CACNA1C: variants seen among roughly 807,000 people sequenced by gnomAD.
CACNA1C encodes calcium voltage-gated channel subunit alpha1 C, also known as voltage-dependent L-type calcium channel subunit alpha-1C.
In CACNA1C, 30 loss-of-function variants were observed where a neutral mutation model predicts 229.0. That is an observed-to-expected ratio of 0.13 (90% confidence interval 0.10 to 0.18). The LOEUF (loss-of-function observed/expected upper bound fraction) is 0.18. Among genes scored for constraint, CACNA1C ranks in the 10% least tolerant of loss-of-function variants. The pLI, the probability that CACNA1C is intolerant of heterozygous loss-of-function variation, is 1.00. For synonymous variants in CACNA1C, 1,114 were observed against 1,132.5 expected (o/e 0.98, Z 0.33); for missense variants, 1,658 against 2,845.0 (o/e 0.58, Z 9.49).
At chr12:2,491,821 G>A (rs761406241) in intron 6 of CACNA1C, among the ~76,000 whole-genome samples, 4 of 152,220 alleles carry the variant, frequency 2.6e-5, no homozygotes, top group Non-Finnish European at 5.9e-5. Context: ...CACCGACTGA[G>A]AATCAGCCCA....
chr12:2,656,805 A>G (rs1432273209), intron 34 of CACNA1C, among the ~76,000 whole-genome samples: 1 of 152,250 alleles, frequency 6.6e-6, no homozygotes. Context: ...ATTTTCGACA[A>G]AGGTGCCAAG....
At chr12:2,064,778 G>A (rs540475853) in intron 1 of CACNA1C, among the ~76,000 whole-genome samples, 2 of 152,226 alleles carry the variant, frequency 1.3e-5, no homozygotes, top group Non-Finnish European at 2.9e-5. Flanking sequence ...CTTGGGATAG[G>A]TATTTTCTTG....
rs2096017841 is a variant in CACNA1C, at chr12:2,665,271, A to G, written c.4398+281A>G. ...CATGTGGGGGCCTAGAAAGAACTGT[A>G]CTTTTTTGGCATCTTGCTGAGGAGT... On this transcript the variant is annotated intron_variant, in intron 35 of 46. Transcript: ENST00000399655. This position sits in a 1 kb window ranked among gnomAD's most constrained non-coding sequence, Gnocchi z 5.9. Among the ~76,000 whole-genome samples the G allele has an allele frequency of 6.6e-6, 1 of 152,122 alleles. No individual in the cohort carries two copies. The highest frequency in any genetic ancestry group is 1.5e-5 in the Non-Finnish European group (1 of 68,026).
intron 3 of CACNA1C, among the ~76,000 whole-genome samples, chr12:2,431,755 C>T (rs950895928): frequency 6.6e-6 from 1 of 152,132 alleles, no homozygotes; most frequent in African/African-American, 2.4e-5. Context: ...TACTTCATTC[C>T]CCTGATGTTA....
intron 1 of CACNA1C, among the ~76,000 whole-genome samples, chr12:2,099,232 C>T (rs1326345843): frequency 6.6e-6 from 1 of 152,206 alleles, no homozygotes; most frequent in East Asian, 1.9e-4. Context: ...GGATCTTGCC[C>T]ATGTTTCTCA....
intron 3 of CACNA1C, among the ~76,000 whole-genome samples, chr12:2,416,918 C>G (rs1441288453): frequency 1.3e-5 from 2 of 152,244 alleles, no homozygotes. Flanking sequence ...TCTTCTAGCT[C>G]CACATCCGGA....
At chr12:2,580,614 C>T (rs1174948847) in intron 13 of CACNA1C, among the ~76,000 whole-genome samples, 1 of 152,216 alleles carries the variant, frequency 6.6e-6, no homozygotes, top group African/African-American at 2.4e-5. Context: ...AGGTGCCCAC[C>T]CTGCATCCAG....
chr12:1,995,490 G>A (rs1012331684), intron 1 of CACNA1C, among the ~76,000 whole-genome samples: 3 of 152,358 alleles, frequency 2.0e-5, no homozygotes, highest in African/African-American at 4.8e-5. Flanking sequence ...ATATACCAAC[G>A]GTTCTTGGGT....
At chr12:2,628,636 G>A (rs189442803) in intron 29 of CACNA1C, among the ~76,000 whole-genome samples, 88 of 152,304 alleles carry the variant, frequency 5.8e-4, no homozygotes, top group Non-Finnish European at 1.1e-3. Context: ...ACCGGGCGCA[G>A]TGGCTCACAC....
chr12:2,577,674 T>C (rs887138355), intron 13 of CACNA1C, among the ~76,000 whole-genome samples: 2 of 152,206 alleles, frequency 1.3e-5, no homozygotes, highest in African/African-American at 4.8e-5. Flanking sequence ...CCCTTGCCTT[T>C]CCCTCCAGGA....
intron 9 of CACNA1C, among the ~76,000 whole-genome samples, chr12:2,521,517 C>G (rs995522251): frequency 1.3e-5 from 2 of 152,184 alleles, no homozygotes; most frequent in Admixed American, 6.5e-5. Flanking sequence ...GCCTGGAGGA[C>G]AGCATCCTCT....
In CACNA1C at chr12:1,990,540, A is replaced by AT. The variant is rs532736115; in HGVS notation, c.139+19349dup. Among the ~76,000 whole-genome samples the AT allele has an allele frequency of 2.2e-3, 338 of 150,310 alleles. 2 individuals are homozygous for AT. The highest frequency in any genetic ancestry group is 7.5e-3 in the African/African-American group (309 of 41,012). ...TACATTCATCCAATTCAAGAAAGGG[A>AT]TTTTTTTTTTCTCTCCTAATGAATC... is the stretch of plus-strand genomic sequence containing the variant. On this transcript the variant is annotated intron_variant, in intron 1 of 46. Transcript: ENST00000682462.
Position 2,139,864 on chromosome 12 carries a change from C to CA in CACNA1C, c.477+19435dup, listed in dbSNP as rs577645424. 6.3e-3 allele frequency among the ~76,000 whole-genome samples: 951 copies of CA among 151,386 alleles called. 13 individuals are homozygous for CA. Among genetic ancestry groups the CA allele is most frequent in the African/African-American group, 0.021 (878 of 41,492 alleles). ...GCCGCTCCCAGGACACAGCGGGCCT[C>CA]ATGCGACATGCCCTGGCTTCTGGAT... On this transcript the variant is annotated intron_variant, in intron 3 of 46. Coordinates refer to ENST00000399655, the MANE Select transcript of CACNA1C (RefSeq NM_000719.7).
chr12:1,980,121 C>G (rs552752422), intron 1 of CACNA1C, among the ~76,000 whole-genome samples: 4 of 152,152 alleles, frequency 2.6e-5, no homozygotes, highest in African/African-American at 9.6e-5. Context: ...AGGTATAAAC[C>G]CAAGATAGAT....
Position 2,679,843 on chromosome 12 carries a change from C to A in CACNA1C, c.5444+47C>A, listed in dbSNP as rs202196126. ...CCAGGCGGCACACAGGGCCCACGTG[C>A]TGCAACCCTCAGGAGACAGTGGAGG... On this transcript the variant is annotated intron_variant, in intron 42 of 46. Transcript: ENST00000399655. This position sits in a 1 kb window ranked among gnomAD's most constrained non-coding sequence, Gnocchi z 5.5. The A allele has an allele frequency of 5.1e-4, 688 of 1,339,908 alleles. 2 individuals carry two copies. In the African/African-American group the frequency reaches 7.7e-3, roughly 15 times the overall value. The allele number at this position is 1,339,908 out of a possible 1,614,324, so 83.0% of individuals were successfully genotyped here.
intron 9 of CACNA1C, among the ~76,000 whole-genome samples, chr12:2,521,052 G>C (rs2099808778): frequency 6.6e-6 from 1 of 152,252 alleles, no homozygotes; most frequent in Non-Finnish European, 1.5e-5. Context: ...GAGTGTCCAG[G>C]CCAAAACGAT....
In CACNA1C at chr12:2,653,685, C is replaced by T. The variant is rs967353302; in HGVS notation, c.4075-150C>T. 3.6e-5 allele frequency: 24 copies of T among 666,798 alleles called. No homozygotes were observed. Among genetic ancestry groups the T allele is most frequent in the Middle Eastern group, 3.7e-4 (1 of 2,696 alleles). 41.3% of individuals were successfully genotyped at this position (666,798 alleles called of 1,614,324 possible). A position where few individuals can be genotyped will look rare whatever the true frequency, so the allele number is the denominator to read the frequency against. On this transcript the variant is annotated intron_variant, in intron 32 of 46. Transcript: ENST00000399655. The surrounding 1 kb of genome is among the most constrained non-coding windows in gnomAD (Gnocchi z 4.7). ...TTCTCAGACCTTCTCGCAGGTTCCC[C>T]GTAGTCCTGTGGGACTCTTGGAAGT...
chr12:2,225,081 T>C (rs1006014036), intron 3 of CACNA1C, among the ~76,000 whole-genome samples: 1 of 152,236 alleles, frequency 6.6e-6, no homozygotes, highest in African/African-American at 2.4e-5. Flanking sequence ...GTTTGCTTTC[T>C]GATCTCATGC....
intron 10 of CACNA1C, among the ~76,000 whole-genome samples, chr12:2,550,985 T>C (rs2099900314): frequency 6.6e-6 from 1 of 152,170 alleles, no homozygotes; most frequent in East Asian, 1.9e-4. Context: ...AAGCAATTAT[T>C]GTCAAAATGT....
Sources: gnomAD v4.1 joint callset for allele counts (sites outside exome capture counted in the v4.1 genomes callset) on GRCh38, gnomAD v4.1.1 for gene constraint, Gnocchi (gnomAD v3.1) non-coding constraint, MANE v1.5 for transcripts, NCBI Gene and HGNC (gene_info 2026-07-23, HGNC 2026-07-21) for gene names.